The following EPB41L3 variants were observed in gnomAD, a reference collection of about 807,000 sequenced individuals.
EPB41L3 encodes the protein erythrocyte membrane protein band 4.1 like 3.
In EPB41L3, 57 loss-of-function variants were observed where a neutral mutation model predicts 127.1. The observed-to-expected ratio is 0.45, with a 90% CI of 0.36 to 0.56. EPB41L3 has a LOEUF of 0.56. Ranked by LOEUF, EPB41L3 falls within the 20% of genes least tolerant of loss-of-function variation. The pLI, the probability that EPB41L3 is intolerant of heterozygous loss-of-function variation, is 0.00. For synonymous variants in EPB41L3, 572 were observed against 549.5 expected, an observed-to-expected ratio of 1.04 and a Z score of -0.57; for missense variants, 1,273 against 1,372.2, an observed-to-expected ratio of 0.93 and a Z score of 1.14.
chr18:5,523,079 C>T (rs1342598163), intron 1 of EPB41L3, among the ~76,000 whole-genome samples: 1 of 152,090 alleles, frequency 6.6e-6, no homozygotes, highest in South Asian at 2.1e-4. Context: ...CAGGGATATG[C>T]AAAATGACTA....
intron 3 of EPB41L3, among the ~76,000 whole-genome samples, chr18:5,561,990 AAGAC>A (rs2094141246): frequency 6.6e-6 from 1 of 152,200 alleles, no homozygotes; most frequent in Non-Finnish European, 1.5e-5. Flanking sequence ...AAAGTCATGA[AAGAC>A]AGGTGAAAAC....
chr18:5,393,527 A>AT (rs758263995), intron 22 of EPB41L3, 49 bp from the exon 23 acceptor site: 1 of 699,494 alleles, frequency 1.4e-6, no homozygotes. Flanking sequence ...CAACTGAAAG[A>AT]TTTTCTCAGA....
upstream of EPB41L3, chr18:5,630,399 T>C (rs1200245402): frequency 3.9e-6 from 2 of 518,654 alleles, no homozygotes; most frequent in African/African-American, 3.9e-5. Flanking sequence ...AGCCTTCCTT[T>C]GGGGCCCCTC....
chr18:5,409,460 T>C (rs1469950595), intron 14 of EPB41L3, among the ~76,000 whole-genome samples: 1 of 152,162 alleles, frequency 6.6e-6, no homozygotes. Flanking sequence ...CAACTTGTAA[T>C]AGATTTATAT....
At chr18:5,580,218 T>C (rs1418778695) in intron 3 of EPB41L3, among the ~76,000 whole-genome samples, 1 of 151,952 alleles carries the variant, frequency 6.6e-6, no homozygotes, top group Non-Finnish European at 1.5e-5. Flanking sequence ...AAAAATGGGG[T>C]AGATACACTC....
At chr18:5,560,194 G>A (rs1051601683) in intron 3 of EPB41L3, among the ~76,000 whole-genome samples, 1 of 152,166 alleles carries the variant, frequency 6.6e-6, no homozygotes, top group Non-Finnish European at 1.5e-5. Flanking sequence ...TGTATAAAAG[G>A]ATGATATAAA....
chr18:5,604,343 T>C (rs1336428420), intron 3 of EPB41L3, among the ~76,000 whole-genome samples: 1 of 152,112 alleles, frequency 6.6e-6, no homozygotes. Flanking sequence ...GTAGCAGAAA[T>C]TTAAATATTT....
At chr18:5,579,287 A>G (rs1291629256) in intron 3 of EPB41L3, among the ~76,000 whole-genome samples, 2 of 152,206 alleles carry the variant, frequency 1.3e-5, no homozygotes, top group Non-Finnish European at 2.9e-5. Context: ...TGTTAGGTGG[A>G]GAGAGAGGAT....
intron 1 of EPB41L3, among the ~76,000 whole-genome samples, chr18:5,492,345 A>G (rs1016118251): frequency 8.1e-6 from 1 of 123,108 alleles, no homozygotes; most frequent in Non-Finnish European, 1.5e-5. Context: ...ATACAATATA[A>G]TATGCCTAAC....
At chr18:5,459,567 ATCTT>A (rs1417528468) in intron 3 of EPB41L3, among the ~76,000 whole-genome samples, 11 of 152,316 alleles carry the variant, frequency 7.2e-5, no homozygotes, top group African/African-American at 2.4e-4. Context: ...GTATTTTTAA[ATCTT>A]TCATTAATTA....
intron 1 of EPB41L3, among the ~76,000 whole-genome samples, chr18:5,620,842 T>G (rs1235932987): frequency 3.3e-5 from 5 of 152,150 alleles, no homozygotes; most frequent in African/African-American, 1.2e-4. Flanking sequence ...TTCTGTACTC[T>G]TAGGCCATCA....
At chr18:5,524,338 C>T (rs1299688997) in intron 1 of EPB41L3, among the ~76,000 whole-genome samples, 1 of 152,146 alleles carries the variant, frequency 6.6e-6, no homozygotes, top group Non-Finnish European at 1.5e-5. Flanking sequence ...GGATTACAGG[C>T]ACCTGCCACC....
intron 16 of EPB41L3, among the ~76,000 whole-genome samples, chr18:5,401,870 G>A (rs2074551705): frequency 6.6e-6 from 1 of 152,050 alleles, no homozygotes; most frequent in South Asian, 2.1e-4. Context: ...ACTTCACAGA[G>A]CAGGGACAGA....
At chr18:5,630,039 C>T (rs1018333873), upstream of EPB41L3, among the ~76,000 whole-genome samples, 2 of 152,204 alleles carry the variant, frequency 1.3e-5, no homozygotes, top group East Asian at 3.9e-4. Flanking sequence ...CGCACTAGCT[C>T]TGGGGTTCGC....
chr18:5,426,464 C>T (rs1168256524), intron 9 of EPB41L3, among the ~76,000 whole-genome samples: 1 of 152,216 alleles, frequency 6.6e-6, no homozygotes, highest in Non-Finnish European at 1.5e-5. Flanking sequence ...TCCCTCCCGT[C>T]TATTCCCACA....
At chr18:5,566,723 C>CATTGTATTCT (rs2094203727) in intron 3 of EPB41L3, among the ~76,000 whole-genome samples, 9 of 112,416 alleles carry the variant, frequency 8.0e-5, no homozygotes, top group Admixed American at 7.3e-4. Context: ...TTTTCTATTC[C>CATTGTATTCT]ATTCTATTCT....
intron 3 of EPB41L3, among the ~76,000 whole-genome samples, chr18:5,582,719 A>G (rs1357226819): frequency 6.6e-6 from 1 of 152,208 alleles, no homozygotes; most frequent in Non-Finnish European, 1.5e-5. Context: ...TGACTTATTG[A>G]TTCTACACAA....
chr18:5,505,472 ACATCTCCTCCTCTGCCCTCCACACCTT>A (rs2092075125), intron 1 of EPB41L3, among the ~76,000 whole-genome samples: 1 of 149,876 alleles, frequency 6.7e-6, no homozygotes, highest in Non-Finnish European at 1.5e-5. Flanking sequence ...CCCCACACCT[ACATCTCCTCCTCTGCCCTCCACACCTT>A]CATCTCCACC....
At chr18:5,580,639 C>G (rs2094385318) in intron 3 of EPB41L3, among the ~76,000 whole-genome samples, 1 of 152,128 alleles carries the variant, frequency 6.6e-6, no homozygotes, top group South Asian at 2.1e-4. Flanking sequence ...TAGATACATG[C>G]TCATGCAGAC....
Sources: allele counts gnomAD v4.1 joint callset (sites outside exome capture counted in the v4.1 genomes callset), GRCh38; gene constraint gnomAD v4.1.1; transcripts MANE v1.5; gene names NCBI Gene and HGNC (gene_info 2026-07-23, HGNC 2026-07-21).